Variants in TNFRSF25 observed in about 807,000 individuals in gnomAD.
TNFRSF25 encodes TNF receptor superfamily member 25.
TNFRSF25 carries 28 observed loss-of-function variants against 49.4 expected under a neutral mutation model. That is an observed-to-expected ratio of 0.57 (90% CI 0.42 to 0.78). The LOEUF (loss-of-function observed/expected upper bound fraction) is 0.78, where lower values mean the gene tolerates loss of function less well. Ranked by LOEUF, TNFRSF25 falls within the 30% of genes least tolerant of loss-of-function variation. The pLI is 0.00. For missense variants in TNFRSF25, 531 were observed against 581.6 expected, an observed-to-expected ratio of 0.91 and a Z score of 0.90; for synonymous variants, 240 against 234.2, an observed-to-expected ratio of 1.02 and a Z score of -0.23.
Position 6,461,855 on chromosome 1 carries a change from G to A in TNFRSF25, c.926-93C>T. 1 of 1,452,838 alleles carries A rather than the reference G, an allele frequency of 6.9e-7. No homozygotes were observed. Among genetic ancestry groups the A allele is most frequent in the Non-Finnish European group, 9.1e-7 (1 of 1,104,218 alleles). The allele number at this position is 1,452,838 out of a possible 1,614,324, so 90.0% of individuals were successfully genotyped here. On this transcript the variant is annotated intron_variant, in intron 9 of 9. Coordinates refer to ENST00000356876, the MANE Select transcript of TNFRSF25 (RefSeq NM_003790.3). The surrounding 1 kb of genome is among the most constrained non-coding windows in gnomAD (Gnocchi z 6.3). The stretch of plus-strand genomic sequence containing the variant: ...TTCGTGCGGGTACCCCAGGGCTGAA[G>A]CCCGCTGGATCCGGTGGGTCAGGGC...
chr1:6,462,747 C>A lies in TNFRSF25; in HGVS notation c.707-81G>T. ...TGCTGGTACAGCTCCTCTAGGGTTC[C>A]TCTGCACCCCACACTCCCTGCCTCA... On this transcript the variant is annotated intron_variant, in intron 7 of 9. Transcript: ENST00000356876. This position sits in a 1 kb window ranked among gnomAD's most constrained non-coding sequence, Gnocchi z 4.2. The A allele has an allele frequency of 3.8e-6, 6 of 1,587,854 alleles. No homozygotes were observed. The South Asian group carries it at 7.0e-5, about 18-fold the overall frequency.
chr1:6,462,528 GGCTACCCGGT>G lies in TNFRSF25; in HGVS notation c.744+91_744+100del. On this transcript the variant is annotated intron_variant, in intron 8 of 9. Transcript: ENST00000356876. The surrounding 1 kb of genome is among the most constrained non-coding windows in gnomAD (Gnocchi z 4.2). ...TGCTCCCAACACCTCTGTCCACTAG[GGCTACCCGGT>G]GCTGGCCGCGTGCCAAGCTCCAGGG... is the stretch of plus-strand genomic sequence containing the variant. The G allele has an allele frequency of 1.9e-6, 3 of 1,551,538 alleles. No homozygotes were observed. Among genetic ancestry groups the G allele is most frequent in the Non-Finnish European group, 2.6e-6 (3 of 1,150,308 alleles).
Position 6,461,159 on chromosome 1 carries a change from T to C in TNFRSF25, c.*275A>G, listed in dbSNP as rs750344281. The C allele has an allele frequency of 1.2e-5, 8 of 673,704 alleles. No individual in the cohort carries two copies. The highest frequency in any genetic ancestry group is 2.8e-6 in the Non-Finnish European group (1 of 358,832). The allele number at this position is 673,704 out of a possible 1,614,324, so 41.7% of individuals were successfully genotyped here. A position where few individuals can be genotyped will look rare whatever the true frequency, so the allele number is the denominator to read the frequency against. ...GAAACGCCAAGAAGCCGTTTTTGTTTTGTTTTGTTTTCTTTCACAGATTTA... is the reference window on the plus strand; with the variant it reads ...GAAACGCCAAGAAGCCGTTTTTGTTCTGTTTTGTTTTCTTTCACAGATTTA... On this transcript the variant is annotated 3_prime_UTR_variant, in exon 10 of 10. Coordinates refer to ENST00000356876, the MANE Select transcript of TNFRSF25 (RefSeq NM_003790.3). The surrounding 1 kb of genome is among the most constrained non-coding windows in gnomAD (Gnocchi z 6.3).
chr1:6,465,999 G>T (rs1035124621), intron 1 of TNFRSF25, 70 bp downstream of exon 1: 1 of 1,524,634 alleles, frequency 6.6e-7, no homozygotes. Flanking sequence ...CGCGCCCGGG[G>T]CCCCTTCCTT....
At position 6,463,329 on chromosome 1, in the gene TNFRSF25, A is replaced by G. The variant is rs575754628; in HGVS notation, c.543-202T>C. 612 of 614,950 alleles carry G rather than the reference A, an allele frequency of 1.0e-3. 8 individuals are homozygous for G. In the South Asian group the frequency reaches 0.011, roughly 11 times the overall value. The allele number at this position is 614,950 out of a possible 1,614,324, so 38.1% of individuals were successfully genotyped here. On this transcript the variant is annotated intron_variant, in intron 5 of 9. Transcript: ENST00000356876. Reference sequence around the variant, plus strand: ...CTTCTTCTAGACTACATGAAGAGTCACTAGAATGTCAACCCCAAAAGGACA... The same window carrying G: ...CTTCTTCTAGACTACATGAAGAGTCGCTAGAATGTCAACCCCAAAAGGACA...
At chr1:6,464,221 G>A in intron 5 of TNFRSF25, 154 bp downstream of exon 5, 2 of 1,481,850 alleles carry the variant, frequency 1.3e-6, no homozygotes, top group Admixed American at 4.6e-5. Flanking sequence ...TGCCATCTAA[G>A]TTTGCCTGAA....
Position 6,462,959 on chromosome 1 carries a change from G to A in TNFRSF25, c.610C>T (p.Gln204Ter). Reference protein sequence around the residue: ...VCGWRQMFWVQVLLAGLVVPL... With the variant: ...VCGWRQMFWV ...ACCACAAGGCCAGCCAGGAGCACCT[G>A]GACCCAGAACACTGAAAGCAGCTGG... is the stretch of plus-strand genomic sequence containing the variant. The change falls in exon 7 of 10, where the codon CAG (glutamine) becomes TAG (stop). Residue 204 changes from glutamine (Q) to a stop codon, truncating the protein, a stop_gained. Transcript: ENST00000356876. LOFTEE classifies it high-confidence loss of function. The surrounding 1 kb of genome is among the most constrained non-coding windows in gnomAD (Gnocchi z 4.2). The A allele has an allele frequency of 6.3e-7, 1 of 1,596,356 alleles. No homozygotes were observed.
chr1:6,461,209 G>T lies in TNFRSF25; in HGVS notation c.*225C>A. 1 of 726,190 alleles carries T rather than the reference G, an allele frequency of 1.4e-6. No individual in the cohort carries two copies. Among genetic ancestry groups the T allele is most frequent in the Non-Finnish European group, 2.5e-6 (1 of 394,796 alleles). The allele number at this position is 726,190 out of a possible 1,614,324, so 45.0% of individuals were successfully genotyped here. A position where few individuals can be genotyped will look rare whatever the true frequency, so the allele number is the denominator to read the frequency against. On this transcript the variant is annotated 3_prime_UTR_variant, in exon 10 of 10. Transcript: ENST00000356876. The surrounding 1 kb of genome is among the most constrained non-coding windows in gnomAD (Gnocchi z 6.3). ...AATACCGCGATCTCAGCCAAACTCC[G>T]GCCGAGAAGTTGAGAAATGTCTTCA...
rs781603246 is a variant in TNFRSF25 at position 6,465,567 on chromosome 1, G to T, written c.40-7C>A. The T allele has an allele frequency of 7.4e-6, 12 of 1,611,098 alleles. No individual in the cohort carries two copies. The highest frequency in any genetic ancestry group is 9.3e-6 in the Non-Finnish European group (11 of 1,178,930). On this transcript the variant is annotated splice_polypyrimidine_tract_variant and splice_region_variant and intron_variant, in intron 1 of 9. Transcript: ENST00000356876. ...GCAGCACCAGGAGGAGCGCCTGGGG[G>T]ACAGGTGCTGCTGACTCTCAGCGCA...
Position 6,464,656 on chromosome 1 carries a change from C to T in TNFRSF25, c.359G>A (p.Gly120Asp). The T allele has an allele frequency of 6.2e-7, 1 of 1,614,076 alleles. No homozygotes were observed. The highest frequency in any genetic ancestry group is 2.2e-5 in the East Asian group (1 of 44,880). ...GCTGACCTGGCACTCCACAAACCAG[C>T]CTGGCTTACAGCCACAGCGGGTGTC... ...VADTRCGCKP[G>D]WFVECQVSQC... The change falls in exon 4 of 10, where the codon GGC becomes GAC. Residue 120 changes from glycine to aspartate, a missense_variant. Coordinates refer to ENST00000356876, the MANE Select transcript of TNFRSF25 (RefSeq NM_003790.3).
intron 5 of TNFRSF25, chr1:6,464,084 A>G (rs1354422819): frequency 1.6e-5 from 20 of 1,276,528 alleles, no homozygotes; most frequent in Admixed American, 3.5e-5. Context: ...AGCTATATCA[A>G]TGTGACTCTC....
chr1:6,465,913 G>T (rs2148567583), intron 1 of TNFRSF25, 156 bp downstream of exon 1: 2 of 1,435,676 alleles, frequency 1.4e-6, no homozygotes, highest in East Asian at 2.7e-5. Flanking sequence ...CAGTGGAAGG[G>T]CTACGCCCTG....
At chr1:6,464,946 C>G (rs545842507) in intron 3 of TNFRSF25, 142 bp downstream of exon 3, 38 of 1,362,810 alleles carry the variant, frequency 2.8e-5, no homozygotes, top group Middle Eastern at 2.6e-4. Flanking sequence ...GGCAAGGGCA[C>G]CCTGAAGGAG....
intron 5 of TNFRSF25, chr1:6,463,404 T>C (rs375259911): frequency 1.3e-5 from 7 of 548,256 alleles, no homozygotes; most frequent in Admixed American, 3.3e-5. Context: ...CCTAGAACAG[T>C]GTGTAGAACA....
At position 6,465,542 on chromosome 1, in the gene TNFRSF25, G is replaced by T; in HGVS notation, c.58C>A (p.Leu20Met). Residue 20 changes from leucine to methionine, a missense_variant, in exon 2 of 10, where the codon CTG (leucine) becomes ATG (methionine). Coordinates refer to ENST00000356876, the MANE Select transcript of TNFRSF25 (RefSeq NM_003790.3). Reference protein sequence around the residue: ...AVAAALLLVLLGARAQGGTRS... With the variant: ...AVAAALLLVLMGARAQGGTRS... ...GTGCCGCCCTGGGCCCGGGCCCCCA[G>T]CAGCACCAGGAGGAGCGCCTGGGGG... The T allele has an allele frequency of 6.2e-7, 1 of 1,613,238 alleles. No individual in the cohort carries two copies. Among genetic ancestry groups the T allele is most frequent in the African/African-American group, 1.3e-5 (1 of 75,026 alleles).
In TNFRSF25 at chr1:6,462,924, C is replaced by T. The variant is rs377672758; in HGVS notation, c.645G>A (p.Leu215=). The T allele has an allele frequency of 6.2e-7, 1 of 1,603,858 alleles. No homozygotes were observed. The highest frequency in any genetic ancestry group is 8.5e-7 in the Non-Finnish European group (1 of 1,175,532). Residue 215 remains leucine (L), a synonymous_variant, in exon 7 of 10, where the codon CTG becomes CTA. Transcript: ENST00000356876. This position sits in a 1 kb window ranked among gnomAD's most constrained non-coding sequence, Gnocchi z 4.2. ...VLLAGLVVPL[L]LGATLTYTYR... ...ATGTGTAGGTCAGGGTGGCCCCAAG[C>T]AGGAGGGGGACCACAAGGCCAGCCA...
chr1:6,462,272 G>A lies in TNFRSF25; in HGVS notation c.745-98C>T. 1 of 1,445,224 alleles carries A rather than the reference G, an allele frequency of 6.9e-7. No individual in the cohort carries two copies. Among genetic ancestry groups the A allele is most frequent in the Non-Finnish European group, 9.3e-7 (1 of 1,078,778 alleles). 89.5% of individuals were successfully genotyped at this position (1,445,224 alleles called of 1,614,324 possible). ...GAGGGGACAGTCCCTGGTTCAGTCAGCAGACACCCCCGCAATGACACCTCC... is the reference window on the plus strand; with the variant it reads ...GAGGGGACAGTCCCTGGTTCAGTCAACAGACACCCCCGCAATGACACCTCC... On this transcript the variant is annotated intron_variant, in intron 8 of 9. Transcript: ENST00000356876. The surrounding 1 kb of genome is among the most constrained non-coding windows in gnomAD (Gnocchi z 4.2).
intron 1 of TNFRSF25, 22 bp from the exon 2 acceptor site, chr1:6,465,582 C>T (rs1350911964): frequency 1.2e-6 from 2 of 1,608,270 alleles, no homozygotes; most frequent in Non-Finnish European, 1.7e-6. Flanking sequence ...GTGCTGCTGA[C>T]TCTCAGCGCA....
In TNFRSF25 at chr1:6,462,415, T is replaced by A. The variant is rs1644204176; in HGVS notation, c.744+214A>T. The A allele has an allele frequency of 2.4e-6, 3 of 1,275,818 alleles. No homozygotes were observed. Among genetic ancestry groups the A allele is most frequent in the Non-Finnish European group, 2.1e-6 (2 of 952,028 alleles). The allele number at this position is 1,275,818 out of a possible 1,614,324, so 79.0% of individuals were successfully genotyped here. A position where few individuals can be genotyped will look rare whatever the true frequency, so the allele number is the denominator to read the frequency against. On this transcript the variant is annotated intron_variant, in intron 8 of 9. Transcript: ENST00000356876. The surrounding 1 kb of genome is among the most constrained non-coding windows in gnomAD (Gnocchi z 4.2). ...CCATGGGGCTCTCCTTCCATTGAAC[T>A]GTTAGCTCCTGTGTACGAATCTGAA...
Sources: allele counts gnomAD v4.1 joint callset, GRCh38; gene constraint gnomAD v4.1.1; non-coding constraint Gnocchi (gnomAD v3.1); transcripts MANE v1.5; gene names NCBI Gene and HGNC (gene_info 2026-07-23, HGNC 2026-07-21).